PELI2: variants seen among roughly 807,000 people sequenced by gnomAD.
The protein encoded by PELI2 is pellino E3 ubiquitin protein ligase family member 2.
PELI2 carries 23 observed loss-of-function variants against 42.3 expected under a neutral mutation model. That is an observed-to-expected ratio of 0.54 (90% CI 0.39 to 0.77). The LOEUF (loss-of-function observed/expected upper bound fraction) is 0.77. Among genes scored for constraint, PELI2 ranks in the 30% least tolerant of loss-of-function variants. The probability of loss-of-function intolerance (pLI) is 0.00; values close to 1 mark genes in which losing one functional copy is unlikely to be tolerated. For missense variants in PELI2, 463 were observed against 553.2 expected, an observed-to-expected ratio of 0.84 and a Z score of 1.64; for synonymous variants, 245 against 212.2, an observed-to-expected ratio of 1.15 and a Z score of -1.34.
At chr14:56,192,519 G>T (rs777452449) in intron 2 of PELI2, among the ~76,000 whole-genome samples, 1 of 152,100 alleles carries the variant, frequency 6.6e-6, no homozygotes, top group South Asian at 2.1e-4. Context: ...CTGTGCCCTC[G>T]TATGATTACC....
intron 2 of PELI2, among the ~76,000 whole-genome samples, chr14:56,220,850 CCT>C (rs1887103193): frequency 1.3e-5 from 2 of 152,276 alleles, no homozygotes; most frequent in South Asian, 4.1e-4. Flanking sequence ...AATTCAGAAT[CCT>C]ACAAGGACTT....
chr14:56,251,752 G>A (rs769883030), intron 2 of PELI2, among the ~76,000 whole-genome samples: 2 of 152,146 alleles, frequency 1.3e-5, no homozygotes, highest in East Asian at 1.9e-4. Context: ...AATGTTGGGG[G>A]ACATTACATC....
At chr14:56,158,945 A>C (rs1416827998) in intron 1 of PELI2, among the ~76,000 whole-genome samples, 2 of 152,206 alleles carry the variant, frequency 1.3e-5, no homozygotes, top group Non-Finnish European at 2.9e-5. Context: ...TGATTTTCTT[A>C]CAACTGATAT....
chr14:56,231,509 C>A (rs370353471), intron 2 of PELI2, among the ~76,000 whole-genome samples: 1 of 152,168 alleles, frequency 6.6e-6, no homozygotes, highest in East Asian at 1.9e-4. Flanking sequence ...TGAATGACTA[C>A]TGGGTACATA....
At chr14:56,220,394 A>G (rs954079478) in intron 2 of PELI2, among the ~76,000 whole-genome samples, 1 of 152,248 alleles carries the variant, frequency 6.6e-6, no homozygotes, top group Non-Finnish European at 1.5e-5. Flanking sequence ...TTTTGAAACA[A>G]CATAGTTATA....
At chr14:56,287,691 G>T (rs1294530591) in intron 3 of PELI2, among the ~76,000 whole-genome samples, 1 of 152,196 alleles carries the variant, frequency 6.6e-6, no homozygotes, top group Non-Finnish European at 1.5e-5. Flanking sequence ...TCTGTGGTCT[G>T]CTGGTTTTAG....
intron 2 of PELI2, among the ~76,000 whole-genome samples, chr14:56,263,195 A>G (rs375180619): frequency 9.2e-5 from 14 of 152,264 alleles, no homozygotes; most frequent in African/African-American, 3.4e-4. Context: ...TCCTGACCTC[A>G]GGTGATCCTC....
rs1169803705 is a variant in PELI2 at position 56,298,438 on chromosome 14, A to G, written c.*1272A>G. On this transcript the variant is annotated 3_prime_UTR_variant, in exon 6 of 6. Transcript: ENST00000267460. The stretch of plus-strand genomic sequence containing the variant: ...TTCTTGGATGCTTGGCATCGATCGT[A>G]TCACTGCTCCTAGAAGGTAAAGATC... 6 of 152,590 alleles carry G rather than the reference A, an allele frequency of 3.9e-5. No individual in the cohort carries two copies. The East Asian group carries it at 7.7e-4, about 20-fold the overall frequency. The allele number at this position is 152,590 out of a possible 1,614,324, so 9.5% of individuals were successfully genotyped here. A position where few individuals can be genotyped will look rare whatever the true frequency, so the allele number is the denominator to read the frequency against.
chr14:56,200,931 T>G (rs1185426260), intron 2 of PELI2, among the ~76,000 whole-genome samples: 1 of 152,218 alleles, frequency 6.6e-6, no homozygotes, highest in Non-Finnish European at 1.5e-5. Flanking sequence ...TTTCACAAGT[T>G]TGTTTGGATT....
intron 2 of PELI2, among the ~76,000 whole-genome samples, chr14:56,256,232 A>G (rs1168349457): frequency 6.6e-6 from 1 of 152,090 alleles, no homozygotes; most frequent in African/African-American, 2.4e-5. Context: ...GTTCGAGACC[A>G]GCCTGGACAA....
intron 2 of PELI2, among the ~76,000 whole-genome samples, chr14:56,252,652 G>A (rs1385567288): frequency 2.0e-5 from 3 of 151,986 alleles, no homozygotes; most frequent in Admixed American, 1.3e-4. Context: ...GAGATAGAGG[G>A]AGAGCGAGAC....
At chr14:56,143,577 C>T (rs1049699841) in intron 1 of PELI2, among the ~76,000 whole-genome samples, 13 of 152,122 alleles carry the variant, frequency 8.5e-5, no homozygotes, top group Admixed American at 2.6e-4. Context: ...GGAATTCTTC[C>T]GTAAGGACGG....
chr14:56,258,580 T>TTA (rs1555351846), intron 2 of PELI2, among the ~76,000 whole-genome samples: 4 of 144,568 alleles, frequency 2.8e-5, no homozygotes, highest in African/African-American at 1.0e-4. Context: ...ATGTCTGAAA[T>TTA]AAAAAAAAAA....
chr14:56,291,975 T>G (rs1026735829), intron 5 of PELI2, among the ~76,000 whole-genome samples: 3 of 152,202 alleles, frequency 2.0e-5, no homozygotes, highest in Non-Finnish European at 4.4e-5. Context: ...AGCATTTGCC[T>G]CCCTGGGTGA....
intron 2 of PELI2, among the ~76,000 whole-genome samples, chr14:56,230,139 G>C (rs764503909): frequency 2.6e-5 from 4 of 152,238 alleles, no homozygotes; most frequent in African/African-American, 7.2e-5. Flanking sequence ...GTACGTGAAA[G>C]TGAAGGGGAG....
chr14:56,279,808 A>T, intron 3 of PELI2, 31 bp downstream of exon 3: 1 of 1,172,588 alleles, frequency 8.5e-7, no homozygotes, highest in Non-Finnish European at 1.3e-6. Context: ...TAGAAATTTT[A>T]GCACGTTTTC....
rs933947027 is a variant in PELI2, at chr14:56,197,315, A to G, written c.207+18851A>G. Among the ~76,000 whole-genome samples, 1 of 152,180 alleles carries G rather than the reference A, an allele frequency of 6.6e-6. No homozygotes were observed. The highest frequency in any genetic ancestry group is 1.5e-5 in the Non-Finnish European group (1 of 68,034). ...GGCATACATAGAGTTTAGTCTTGCA[A>G]ACAGAGAGGGGCAGAAGTGTAACTG... is the stretch of plus-strand genomic sequence containing the variant. On this transcript the variant is annotated intron_variant, in intron 2 of 5. Coordinates refer to ENST00000267460, the MANE Select transcript of PELI2 (RefSeq NM_021255.3). The surrounding 1 kb of genome is among the most constrained non-coding windows in gnomAD (Gnocchi z 4.9).
At chr14:56,247,659 CAA>C (rs1888209728) in intron 2 of PELI2, among the ~76,000 whole-genome samples, 1 of 152,168 alleles carries the variant, frequency 6.6e-6, no homozygotes, top group Non-Finnish European at 1.5e-5. Flanking sequence ...TGGATTAACA[CAA>C]GACAGAATTC....
chr14:56,211,947 T>C (rs955949458), intron 2 of PELI2, among the ~76,000 whole-genome samples: 4 of 152,146 alleles, frequency 2.6e-5, no homozygotes, highest in Admixed American at 6.5e-5. Context: ...TTGAGGACCA[T>C]TGAAGTAGAA....
Sources: gnomAD v4.1 joint callset for allele counts (sites outside exome capture counted in the v4.1 genomes callset) on GRCh38, gnomAD v4.1.1 for gene constraint, Gnocchi (gnomAD v3.1) non-coding constraint, MANE v1.5 for transcripts, NCBI Gene and HGNC (gene_info 2026-07-23, HGNC 2026-07-21) for gene names.